Variants in CDCA2 observed in about 807,000 individuals in gnomAD.
CDCA2 encodes cell division cycle associated 2, also known as cell division cycle-associated protein 2.
CDCA2 carries 44 observed loss-of-function variants against 67.0 expected under a neutral mutation model. The observed-to-expected ratio is 0.66, with a 90% confidence interval of 0.52 to 0.84. The LOEUF (loss-of-function observed/expected upper bound fraction) is 0.84, where lower values mean the gene tolerates loss of function less well. CDCA2 is among the 40% of genes least tolerant of loss of function. The pLI is 0.00. For synonymous variants in CDCA2, 447 were observed against 418.7 expected, an observed-to-expected ratio of 1.07 and a Z score of -0.82; for missense variants, 1,253 against 1,203.2, an observed-to-expected ratio of 1.04 and a Z score of -0.61.
chr8:25,469,878 T>A lies in CDCA2; in HGVS notation c.736-18T>A, dbSNP rs1459674684. The A allele has an allele frequency of 3.2e-6, 5 of 1,550,098 alleles. No individual in the cohort carries two copies. The African/African-American group carries it at 6.8e-5, about 21-fold the overall frequency. On this transcript the variant is annotated intron_variant, in intron 6 of 14. Transcript: ENST00000330560. Reference sequence around the variant, plus strand: ...CTCTAATTAATAAAATGTAATACTCTTTCAATTTTTCCCCAAGATATCATC... The same window carrying A: ...CTCTAATTAATAAAATGTAATACTCATTCAATTTTTCCCCAAGATATCATC...
At position 25,507,207 on chromosome 8, in the gene CDCA2, T is replaced by A; in HGVS notation, c.2541T>A (p.Asn847Lys). The A allele has an allele frequency of 6.2e-7, 1 of 1,614,096 alleles. No individual in the cohort carries two copies. The highest frequency in any genetic ancestry group is 8.5e-7 in the Non-Finnish European group (1 of 1,180,012). Reference sequence around the variant, plus strand: ...GTCGAAGTTTACATTTGGAAAAAAATGGAAATCACACACCATCCTCCAGTG... The same window carrying A: ...GTCGAAGTTTACATTTGGAAAAAAAAGGAAATCACACACCATCCTCCAGTG... ...SDGRSLHLEK[N>K]GNHTPSSSVG... Residue 847 changes from asparagine (N) to lysine (K), a missense_variant, in exon 15 of 15, where the codon AAT becomes AAA. Physicochemically the swap from Asn to Lys is moderately conservative, Grantham distance 94 (BLOSUM62 0). Transcript: ENST00000330560.
chr8:25,485,206 TAATAAAG>T (rs200749949), intron 10 of CDCA2, among the ~76,000 whole-genome samples: 56,998 of 141,400 alleles, frequency 0.4, 11,647 homozygotes, highest in Middle Eastern at 0.51. Flanking sequence ...ATAATAATAA[TAATAAAG>T]AAAAAGCATT....
rs1178001648 is a variant in CDCA2 at position 25,506,955 on chromosome 8, TGAAA to T, written c.2295_2298del (p.Lys766MetfsTer4). On this transcript the variant is annotated frameshift_variant, in exon 15 of 15. Coordinates refer to ENST00000330560, the MANE Select transcript of CDCA2 (RefSeq NM_152562.4). LOFTEE classifies it low-confidence loss of function (END_TRUNC). Reference sequence around the variant, plus strand: ...TTTCACCAGATTTAAACATAAAGTGTGAAAGAAAGGATGACTTCTTAGGAGCTGC... The same window carrying T: ...TTTCACCAGATTTAAACATAAAGTGTGAAAGGATGACTTCTTAGGAGCTGC... The T allele has an allele frequency of 9.9e-6, 16 of 1,613,908 alleles. No individual in the cohort carries two copies. Among genetic ancestry groups the T allele is most frequent in the Non-Finnish European group, 1.3e-5 (15 of 1,179,920 alleles).
intron 13 of CDCA2, among the ~76,000 whole-genome samples, chr8:25,498,254 C>G (rs1207061914): frequency 2.0e-5 from 3 of 152,140 alleles, no homozygotes; most frequent in South Asian, 2.1e-4. Context: ...GTCGCCCAGG[C>G]TGGAGTTCAG....
At position 25,507,459 on chromosome 8, in the gene CDCA2, A is replaced by T. The variant is rs1804729492; in HGVS notation, c.2793A>T (p.Gly931=). The change falls in exon 15 of 15, where the codon GGA becomes GGT. Residue 931 remains glycine, a synonymous_variant. Transcript: ENST00000330560. ...RRTICTFDSS[G]FESMSPIKET... is the part of the protein sequence containing the mutation. ...CAATATGTACATTTGACAGCAGTGG[A>T]TTTGAAAGTATGTCTCCCATAAAAG... 1 of 1,614,070 alleles carries T rather than the reference A, an allele frequency of 6.2e-7. No homozygotes were observed. Among genetic ancestry groups the T allele is most frequent in the Non-Finnish European group, 8.5e-7 (1 of 1,179,998 alleles).
intron 10 of CDCA2, among the ~76,000 whole-genome samples, chr8:25,484,964 A>G (rs552155869): frequency 1.4e-4 from 21 of 152,122 alleles, no homozygotes; most frequent in Non-Finnish European, 2.8e-4. Flanking sequence ...AAACATAGCA[A>G]TATATAAAAA....
intron 3 of CDCA2, among the ~76,000 whole-genome samples, chr8:25,461,020 C>T (rs987338772): frequency 2.0e-5 from 3 of 152,090 alleles, no homozygotes; most frequent in Non-Finnish European, 4.4e-5. Context: ...GTAATCCCAG[C>T]GCTTTGGGAG....
intron 4 of CDCA2, 62 bp from the exon 5 acceptor site, chr8:25,466,113 G>T: frequency 6.8e-7 from 1 of 1,473,898 alleles, no homozygotes; most frequent in Non-Finnish European, 9.2e-7. Context: ...ATGGCTGTAG[G>T]CCTAGAATAT....
chr8:25,488,841 G>T (rs1803888694), intron 13 of CDCA2, 152 bp downstream of exon 13: 2 of 528,558 alleles, frequency 3.8e-6, no homozygotes, highest in Non-Finnish European at 3.0e-6. Flanking sequence ...GGGTGGGGGG[G>T]TTATGTACTT....
chr8:25,496,536 C>T (rs1426912164), intron 13 of CDCA2, among the ~76,000 whole-genome samples: 1 of 152,090 alleles, frequency 6.6e-6, no homozygotes, highest in African/African-American at 2.4e-5. Flanking sequence ...ACTGTAACTA[C>T]AAACCATACA....
intron 8 of CDCA2, among the ~76,000 whole-genome samples, chr8:25,482,086 G>A (rs1586495354): frequency 1.3e-5 from 2 of 152,204 alleles, no homozygotes; most frequent in Non-Finnish European, 2.9e-5. Context: ...AGCCCTGGCT[G>A]TCTCCTGCTG....
rs761385573 is a variant in CDCA2, at chr8:25,460,544, G to T, written c.222G>T (p.Arg74Ser). 2 of 1,612,790 alleles carry T rather than the reference G, an allele frequency of 1.2e-6. No homozygotes were observed. Among genetic ancestry groups the T allele is most frequent in the African/African-American group, 2.7e-5 (2 of 74,922 alleles). Residue 74 changes from arginine (R) to serine (S), a missense_variant, in exon 3 of 15, where the codon AGG becomes AGT. Transcript: ENST00000330560. ...GAATTACACCTGAAAGCTTTGTTAG[G>T]AACTCTGCAGGTAAGAAAAGTTGTC... ...QLGITPESFV[R>S]NSAGKSSSYL...
chr8:25,499,390 G>A (rs1223086479), intron 13 of CDCA2, among the ~76,000 whole-genome samples: 1 of 132,208 alleles, frequency 7.6e-6, no homozygotes, highest in Non-Finnish European at 1.5e-5. Flanking sequence ...TGCAGCCTCC[G>A]CCTCCCAGGC....
intron 13 of CDCA2, among the ~76,000 whole-genome samples, chr8:25,492,867 G>A (rs1239911563): frequency 1.3e-5 from 2 of 152,202 alleles, no homozygotes; most frequent in African/African-American, 4.8e-5. Context: ...AGAAACAAGG[G>A]GGCTAATGGT....
chr8:25,476,195 G>A (rs749213373), intron 7 of CDCA2, among the ~76,000 whole-genome samples: 1 of 152,172 alleles, frequency 6.6e-6, no homozygotes, highest in Non-Finnish European at 1.5e-5. Flanking sequence ...ATTTCTCTGG[G>A]AACAGGGAAT....
chr8:25,507,548 A>AG lies in CDCA2; in HGVS notation c.2885dup (p.Ala964CysfsTer7), dbSNP rs773383795. The AG allele has an allele frequency of 5.9e-5, 95 of 1,613,958 alleles. No homozygotes were observed. Among genetic ancestry groups the AG allele is most frequent in the Non-Finnish European group, 7.7e-5 (91 of 1,179,964 alleles). ...CCCGTCTCAGATCCAGAAAACAGCC[A>AG]GGGCCCTGCTGCTGGTTCTTCCGAT... On this transcript the variant is annotated frameshift_variant, in exon 15 of 15. Transcript: ENST00000330560. LOFTEE classifies it low-confidence loss of function (END_TRUNC).
chr8:25,475,965 C>T (rs968728062), intron 7 of CDCA2, among the ~76,000 whole-genome samples: 3 of 152,202 alleles, frequency 2.0e-5, no homozygotes, highest in Non-Finnish European at 2.9e-5. Flanking sequence ...CGTCTGCTTC[C>T]CACTCACTCT....
At chr8:25,500,169 C>T (rs1019864619) in intron 13 of CDCA2, among the ~76,000 whole-genome samples, 3 of 151,576 alleles carry the variant, frequency 2.0e-5, no homozygotes, top group African/African-American at 7.3e-5. Flanking sequence ...TTCATTCATT[C>T]GTATTTGTGG....
chr8:25,485,853 TC>T lies in CDCA2; in HGVS notation c.1444+17del. 6.9e-7 allele frequency: 1 copy of T among 1,445,234 alleles called. No individual in the cohort carries two copies. Among genetic ancestry groups the T allele is most frequent in the Non-Finnish European group, 9.6e-7 (1 of 1,042,268 alleles). 89.5% of individuals were successfully genotyped at this position (1,445,234 alleles called of 1,614,324 possible). A position where few individuals can be genotyped will look rare whatever the true frequency, so the allele number is the denominator to read the frequency against. On this transcript the variant is annotated intron_variant, in intron 11 of 14. Transcript: ENST00000330560. ...ACCCTTTCAGGTAGTAACTTGTTTA[TC>T]TTAAAATCATAAATGTCATTTTTTA...
Sources: allele counts gnomAD v4.1 joint callset (sites outside exome capture counted in the v4.1 genomes callset), GRCh38; gene constraint gnomAD v4.1.1; transcripts MANE v1.5; gene names NCBI Gene and HGNC (gene_info 2026-07-23, HGNC 2026-07-21).